Variants in TSPAN11 observed in about 807,000 individuals in gnomAD.
TSPAN11 encodes the protein tetraspanin-11.
TSPAN11 carries 29 observed loss-of-function variants against 32.9 expected under a neutral mutation model. The ratio of observed to expected loss-of-function variants is 0.88; its 90% CI spans 0.66 to 1.20. The LOEUF (loss-of-function observed/expected upper bound fraction) is 1.20. Among genes scored for constraint, TSPAN11 ranks in the 50% most tolerant of loss-of-function variants. The pLI is 0.00. For synonymous variants in TSPAN11, 140 were observed against 141.3 expected (o/e 0.99, Z 0.07); for missense variants, 283 against 329.1 (o/e 0.86, Z 1.08).
At chr12:31,009,302 C>T in the TSPAN11 span, among the ~76,000 whole-genome samples, 1 of 152,176 alleles carries the variant, frequency 6.6e-6, no homozygotes, top group South Asian at 2.1e-4. Context: ...GCCTGCCGAC[C>T]CCCTATTGCT....
the TSPAN11 span, among the ~76,000 whole-genome samples, chr12:31,014,026 A>G: frequency 2.0e-5 from 3 of 152,230 alleles, no homozygotes; most frequent in South Asian, 2.1e-4. Flanking sequence ...TAAATAAAAT[A>G]TATCACTAAT....
At chr12:30,932,480 T>A (rs926535511) in intron 1 of TSPAN11, among the ~76,000 whole-genome samples, 3 of 152,194 alleles carry the variant, frequency 2.0e-5, no homozygotes, top group Non-Finnish European at 4.4e-5. Flanking sequence ...CGTCGCTAAC[T>A]CAACTGTTTT....
At chr12:30,987,784 G>C (rs1939228715) in intron 7 of TSPAN11, among the ~76,000 whole-genome samples, 1 of 152,176 alleles carries the variant, frequency 6.6e-6, no homozygotes, top group African/African-American at 2.4e-5. Flanking sequence ...AGAGAGGTCA[G>C]GAGATGGGGA....
At chr12:30,984,552 C>CT (rs55772956) in intron 7 of TSPAN11, among the ~76,000 whole-genome samples, 4,665 of 68,510 alleles carry the variant, frequency 0.068, 357 homozygotes, top group African/African-American at 0.13. Context: ...TCGCTTTTTG[C>CT]TTTTTTTTTT....
At chr12:30,972,353 G>T (rs1938868788) in intron 3 of TSPAN11, among the ~76,000 whole-genome samples, 2 of 152,136 alleles carry the variant, frequency 1.3e-5, no homozygotes, top group Admixed American at 6.5e-5. Context: ...AAGCAGGGAG[G>T]CCCCAGAGTC....
intron 7 of TSPAN11, among the ~76,000 whole-genome samples, chr12:30,985,055 G>C (rs1404690176): frequency 2.0e-5 from 3 of 152,084 alleles, no homozygotes; most frequent in Non-Finnish European, 2.9e-5. Flanking sequence ...TCCAGTGCAG[G>C]GTCCTTGGAA....
At chr12:30,976,754 G>A (rs976607963) in intron 3 of TSPAN11, among the ~76,000 whole-genome samples, 2 of 152,192 alleles carry the variant, frequency 1.3e-5, no homozygotes, top group African/African-American at 4.8e-5. Flanking sequence ...ACCTGTGCCT[G>A]CAGGCAGCAT....
intron 1 of TSPAN11, among the ~76,000 whole-genome samples, chr12:30,940,281 G>A (rs1340531868): frequency 6.6e-6 from 1 of 152,194 alleles, no homozygotes; most frequent in Non-Finnish European, 1.5e-5. Context: ...GTTCATGAGT[G>A]TTCACATGGC....
chr12:30,991,994 C>A lies in TSPAN11; in HGVS notation c.*79C>A. The A allele has an allele frequency of 6.7e-7, 1 of 1,490,682 alleles. No individual in the cohort carries two copies. Among genetic ancestry groups the A allele is most frequent in the Non-Finnish European group, 9.4e-7 (1 of 1,069,292 alleles). 92.3% of individuals were successfully genotyped at this position (1,490,682 alleles called of 1,614,324 possible). On this transcript the variant is annotated 3_prime_UTR_variant, in exon 8 of 8. Transcript: ENST00000546076. Reference sequence around the variant, plus strand: ...CCATCTGCAAGGCCTGCAGAGTTAGCACCAGCTCCACTAGGGCCATAGATG... The same window carrying A: ...CCATCTGCAAGGCCTGCAGAGTTAGAACCAGCTCCACTAGGGCCATAGATG...
intron 3 of TSPAN11, among the ~76,000 whole-genome samples, chr12:30,977,153 G>T (rs973713239): frequency 2.0e-5 from 3 of 152,176 alleles, no homozygotes; most frequent in Non-Finnish European, 4.4e-5. Flanking sequence ...AAAAGAAATG[G>T]CCCCTCTCCC....
At chr12:30,955,774 T>C (rs1938466270) in intron 2 of TSPAN11, among the ~76,000 whole-genome samples, 1 of 152,208 alleles carries the variant, frequency 6.6e-6, no homozygotes, top group Non-Finnish European at 1.5e-5. Flanking sequence ...CACACACTGT[T>C]GTCCGTGTGT....
At chr12:30,964,064 C>T in intron 3 of TSPAN11, 47 bp downstream of exon 3, 1 of 1,577,658 alleles carries the variant, frequency 6.3e-7, no homozygotes, top group African/African-American at 1.3e-5. Flanking sequence ...CCCTGCACCA[C>T]CCAGTCAGGT....
At chr12:30,941,646 G>A (rs1938166466) in intron 1 of TSPAN11, among the ~76,000 whole-genome samples, 1 of 152,224 alleles carries the variant, frequency 6.6e-6, no homozygotes, top group South Asian at 2.1e-4. Context: ...AGAAGGGAAG[G>A]AATGTGTAGA....
chr12:31,013,846 C>T, the TSPAN11 span, among the ~76,000 whole-genome samples: 1 of 152,150 alleles, frequency 6.6e-6, no homozygotes, highest in African/African-American at 2.4e-5. Flanking sequence ...ATGGTAGCCG[C>T]CAGGTACATG....
At chr12:30,980,153 C>T (rs189605185) in intron 5 of TSPAN11, among the ~76,000 whole-genome samples, 1 of 152,332 alleles carries the variant, frequency 6.6e-6, no homozygotes, top group East Asian at 1.9e-4. Context: ...CCAGTGTGAG[C>T]CATCAGACAG....
At chr12:30,977,444 G>C (rs1400004650) in intron 3 of TSPAN11, among the ~76,000 whole-genome samples, 1 of 152,236 alleles carries the variant, frequency 6.6e-6, no homozygotes, top group Non-Finnish European at 1.5e-5. Flanking sequence ...GGCCAGGTGG[G>C]CGGGCAGTGC....
chr12:30,927,094 T>C, intron 1 of TSPAN11: 3 of 1,213,736 alleles, frequency 2.5e-6, no homozygotes, highest in East Asian at 6.9e-5. Flanking sequence ...GGGAGAGAGC[T>C]CTGGGCCTCT....
the TSPAN11 span, among the ~76,000 whole-genome samples, chr12:31,011,551 A>G: frequency 6.6e-6 from 1 of 152,214 alleles, no homozygotes; most frequent in East Asian, 1.9e-4. Flanking sequence ...GGCATCAGCT[A>G]CTTACAACCC....
At chr12:31,016,126 T>TA in the TSPAN11 span, among the ~76,000 whole-genome samples, 4 of 152,166 alleles carry the variant, frequency 2.6e-5, no homozygotes, top group African/African-American at 4.8e-5. Flanking sequence ...AAGTTTTATT[T>TA]AAAAAAATTA....
Sources: allele counts gnomAD v4.1 joint callset (sites outside exome capture counted in the v4.1 genomes callset), GRCh38; gene constraint gnomAD v4.1.1; transcripts MANE v1.5; gene names NCBI Gene and HGNC (gene_info 2026-07-23, HGNC 2026-07-21).